Variants in PTPN9 observed in about 807,000 individuals in gnomAD.
The protein encoded by PTPN9 is protein tyrosine phosphatase non-receptor type 9, also known as tyrosine-protein phosphatase non-receptor type 9.
Under a neutral mutation model 69.8 loss-of-function variants are expected in PTPN9, and 26 were observed. The observed-to-expected ratio is 0.37, with a 90% CI of 0.27 to 0.52. PTPN9 has a LOEUF of 0.52. Among genes scored for constraint, PTPN9 ranks in the 20% least tolerant of loss-of-function variants. The pLI, the probability that PTPN9 is intolerant of heterozygous loss-of-function variation, is 0.91. For synonymous variants in PTPN9, 274 were observed against 272.5 expected (o/e 1.01, Z -0.05); for missense variants, 549 against 740.3 (o/e 0.74, Z 3.00).
At chr15:75,561,837 G>C (rs2075105221) in intron 1 of PTPN9, among the ~76,000 whole-genome samples, 2 of 151,968 alleles carry the variant, frequency 1.3e-5, no homozygotes, top group Non-Finnish European at 2.9e-5. Context: ...AGCCTCCCAA[G>C]TAGCTGGGAT....
At chr15:75,504,148 G>A (rs1347810934) in intron 7 of PTPN9, among the ~76,000 whole-genome samples, 21 of 115,058 alleles carry the variant, frequency 1.8e-4, no homozygotes, top group South Asian at 2.9e-4. Flanking sequence ...CCCCCCGCCC[G>A]GACAGCCGCC....
At chr15:75,540,559 A>AC (rs1446721016) in intron 1 of PTPN9, among the ~76,000 whole-genome samples, 3 of 106,698 alleles carry the variant, frequency 2.8e-5, no homozygotes, top group Non-Finnish European at 6.6e-5. Flanking sequence ...AAAAAAAAAA[A>AC]AAAGAAAGAA....
intron 12 of PTPN9, among the ~76,000 whole-genome samples, chr15:75,469,259 CCAGA>C (rs1443671062): frequency 1.1e-4 from 16 of 152,340 alleles, no homozygotes; most frequent in African/African-American, 2.9e-4. Context: ...TGCTTCAATC[CCAGA>C]CAGACAGACT....
intron 9 of PTPN9, among the ~76,000 whole-genome samples, chr15:75,477,778 A>C (rs1339480455): frequency 6.6e-6 from 1 of 151,834 alleles, no homozygotes; most frequent in African/African-American, 2.4e-5. Context: ...CAATTGTCTC[A>C]ATAGTTTGTC....
rs767671900 is a variant in PTPN9, at chr15:75,505,837, A to C, written c.806T>G (p.Leu269Arg). The C allele has an allele frequency of 6.2e-7, 1 of 1,614,126 alleles. No homozygotes were observed. The highest frequency in any genetic ancestry group is 2.2e-5 in the East Asian group (1 of 44,884). The change falls in exon 7 of 13, where the codon CTC becomes CGC. Residue 269 changes from leucine (L) to arginine (R), a missense_variant. Physicochemically the swap from Leu to Arg is moderately radical, Grantham distance 102. Around this residue, in one of 3 missense-constraint regions of PTPN9, gnomAD observed 457 missense variants for 661.9 expected, o/e 0.69. Coordinates refer to ENST00000618819, the MANE Select transcript of PTPN9 (RefSeq NM_002833.4). ...TGAGTCCCAGTCTAAGGCAGGAGGG[A>C]GGGAGAACAGGATGATCTCATCGAA... is the stretch of plus-strand genomic sequence containing the variant. ...DPFDEIILFS[L>R]PPALDWDSVH...
intron 9 of PTPN9, among the ~76,000 whole-genome samples, chr15:75,475,592 A>G (rs2074591667): frequency 6.6e-6 from 1 of 152,058 alleles, no homozygotes; most frequent in Admixed American, 6.6e-5. Flanking sequence ...TCTCAAGAAA[A>G]AAAAAACGTA....
At chr15:75,481,273 G>C (rs1366345126) in intron 8 of PTPN9, among the ~76,000 whole-genome samples, 1 of 92,982 alleles carries the variant, frequency 1.1e-5, no homozygotes, top group Non-Finnish European at 2.2e-5. Context: ...CTCTCCGCCC[G>C]GCAGCCACCC....
At chr15:75,574,753 T>C (rs4886449) in intron 1 of PTPN9, among the ~76,000 whole-genome samples, 90,810 of 151,186 alleles carry the variant, frequency 0.6, 28,580 homozygotes, top group African/African-American at 0.8. Flanking sequence ...CCAGCCTAGC[T>C]AATGTAGTGA....
At position 75,568,193 on chromosome 15, in the gene PTPN9, G is replaced by GTT. The variant is rs1314477267; in HGVS notation, c.63+10519_63+10520dup. On this transcript the variant is annotated intron_variant, in intron 1 of 12. Transcript: ENST00000618819. ...TCCTGTTCGCACCCTCCATGTCCAT[G>GTT]TTTAACAACCTAATGCCAGCCAGGT... Among the ~76,000 whole-genome samples the GTT allele has an allele frequency of 9.2e-5, 14 of 151,614 alleles. No individual in the cohort carries two copies. The South Asian group carries it at 2.1e-3, about 23-fold the overall frequency.
chr15:75,501,899 T>G (rs1225199803), intron 7 of PTPN9, among the ~76,000 whole-genome samples: 1 of 152,128 alleles, frequency 6.6e-6, no homozygotes, highest in East Asian at 1.9e-4. Flanking sequence ...GGCTCACACC[T>G]GTAATCCCAA....
At chr15:75,545,931 G>A (rs1400283498) in intron 1 of PTPN9, among the ~76,000 whole-genome samples, 1 of 152,198 alleles carries the variant, frequency 6.6e-6, no homozygotes, top group East Asian at 1.9e-4. Flanking sequence ...CTGGGTGACA[G>A]AGCAAGATTC....
In PTPN9 at chr15:75,519,598, G is replaced by A. The variant is rs182999348; in HGVS notation, c.423-2234C>T. Among the ~76,000 whole-genome samples the A allele has an allele frequency of 1.3e-3, 196 of 151,960 alleles. 1 individual carries two copies. The highest frequency in any genetic ancestry group is 1.2e-3 in the Non-Finnish European group (84 of 67,976). On this transcript the variant is annotated intron_variant, in intron 4 of 12. Coordinates refer to ENST00000618819, the MANE Select transcript of PTPN9 (RefSeq NM_002833.4). ...CTGGCACCTAATGTGTTACATTAGT[G>A]TTAAATCTTTACTCCTTTTTCTTAT...
chr15:75,558,577 G>A (rs1286595302), intron 1 of PTPN9, among the ~76,000 whole-genome samples: 3 of 152,022 alleles, frequency 2.0e-5, no homozygotes, highest in South Asian at 2.1e-4. Context: ...CTCTGACGCC[G>A]AGCCGAAGCT....
At chr15:75,472,542 C>T (rs921706514) in intron 10 of PTPN9, among the ~76,000 whole-genome samples, 6 of 152,158 alleles carry the variant, frequency 3.9e-5, no homozygotes, top group Non-Finnish European at 7.4e-5. Flanking sequence ...CGCTTGTAAT[C>T]CCAGCACTTT....
chr15:75,480,599 C>T, intron 8 of PTPN9: 3 of 1,098,974 alleles, frequency 2.7e-6, no homozygotes, highest in Non-Finnish European at 3.4e-6. Context: ...TGCGCTGCGG[C>T]CTGGGGCAGT....
intron 6 of PTPN9, among the ~76,000 whole-genome samples, chr15:75,506,433 C>T (rs2074820092): frequency 6.6e-6 from 1 of 152,148 alleles, no homozygotes; most frequent in African/African-American, 2.4e-5. Flanking sequence ...TTTTACTCAG[C>T]TTGGTATAAC....
At chr15:75,537,442 C>CAAAAAAAAAA (rs1567510749) in intron 1 of PTPN9, among the ~76,000 whole-genome samples, 37 of 49,734 alleles carry the variant, frequency 7.4e-4, no homozygotes, top group African/African-American at 4.3e-3. Flanking sequence ...AATATCTTCC[C>CAAAAAAAAAA]TAAAAAAAAA....
In PTPN9 at chr15:75,505,892, G is replaced by A; in HGVS notation, c.751C>T (p.Leu251=). 6.2e-7 allele frequency: 1 copy of A among 1,614,110 alleles called. No homozygotes were observed. Among genetic ancestry groups the A allele is most frequent in the Non-Finnish European group, 8.5e-7 (1 of 1,180,000 alleles). ...IDLATWNFQF[L]PQVNGHPDPF... ...TCTGGGTGGCCGTTCACCTGGGGTAGGAACTGGAAATTCCAAGTGGCGAGA... is the reference window on the plus strand; with the variant it reads ...TCTGGGTGGCCGTTCACCTGGGGTAAGAACTGGAAATTCCAAGTGGCGAGA... The change falls in exon 7 of 13, where the codon CTA becomes TTA. Residue 251 remains leucine (L), a synonymous_variant. Coordinates refer to ENST00000618819, the MANE Select transcript of PTPN9 (RefSeq NM_002833.4).
At chr15:75,550,504 T>C (rs1487209575) in intron 1 of PTPN9, among the ~76,000 whole-genome samples, 1 of 148,046 alleles carries the variant, frequency 6.8e-6, no homozygotes, top group African/African-American at 2.5e-5. Flanking sequence ...AATAAAAAGA[T>C]TGGCTGGGTG....
Sources: gnomAD v4.1 joint callset for allele counts (sites outside exome capture counted in the v4.1 genomes callset) on GRCh38, gnomAD v4.1.1 for gene constraint, gnomAD v4.1.1 regional missense constraint, MANE v1.5 for transcripts, NCBI Gene and HGNC (gene_info 2026-07-23, HGNC 2026-07-21) for gene names.